Variants in ZSCAN20 observed in about 807,000 individuals in gnomAD.
The protein encoded by ZSCAN20 is zinc finger and SCAN domain containing 20.
In ZSCAN20, 39 loss-of-function variants were observed where a neutral mutation model predicts 97.1. The observed-to-expected ratio is 0.40, with a 90% CI of 0.31 to 0.52. The LOEUF (loss-of-function observed/expected upper bound fraction) is 0.52, where lower values mean the gene tolerates loss of function less well. ZSCAN20 is among the 20% of genes least tolerant of loss of function. The pLI, the probability that ZSCAN20 is intolerant of heterozygous loss-of-function variation, is 0.49. For synonymous variants in ZSCAN20, 456 were observed against 467.3 expected (o/e 0.98, Z 0.31); for missense variants, 1,115 against 1,290.4 (o/e 0.86, Z 2.08).
At position 33,496,512 on chromosome 1, in the gene ZSCAN20, G is replaced by A. The variant is rs569685228; in HGVS notation, c.*1036G>A. On this transcript the variant is annotated 3_prime_UTR_variant, in exon 8 of 8. Transcript: ENST00000684572. ...GGGTTGAGATTGGGAAAAATATGCG[G>A]CCTAAGTAATTTTTCTTCCAATAAG... The A allele has an allele frequency of 1.5e-4, 23 of 152,232 alleles. No individual in the cohort carries two copies. The highest frequency in any genetic ancestry group is 5.1e-4 in the African/African-American group (21 of 41,538). 9.4% of individuals were successfully genotyped at this position (152,232 alleles called of 1,614,324 possible).
At chr1:33,490,199 G>A (rs980385280) in intron 5 of ZSCAN20, among the ~76,000 whole-genome samples, 1 of 152,154 alleles carries the variant, frequency 6.6e-6, no homozygotes, top group Non-Finnish European at 1.5e-5. Flanking sequence ...CCAGAAGCTC[G>A]CTGGCTACTT....
Position 33,498,291 on chromosome 1 carries a change from T to TAAC in ZSCAN20, c.*2816_*2817insACA. On this transcript the variant is annotated 3_prime_UTR_variant, in exon 8 of 8. Transcript: ENST00000684572. Reference sequence around the variant, plus strand: ...CTTTCCCCTGGGTTTGGTAGTGTGTTAGTGTCTCATATCTTTAGTGAACAG... The same window carrying TAAC: ...CTTTCCCCTGGGTTTGGTAGTGTGTTAACAGTGTCTCATATCTTTAGTGAACAG... 6.6e-6 allele frequency among the ~76,000 whole-genome samples: 1 copy of TAAC among 152,206 alleles called. No homozygotes were observed. The highest frequency in any genetic ancestry group is 6.5e-5 in the Admixed American group (1 of 15,288).
At position 33,495,059 on chromosome 1, in the gene ZSCAN20, T is replaced by G. The variant is rs749842996; in HGVS notation, c.2715T>G (p.Cys905Trp). The G allele has an allele frequency of 3.1e-6, 5 of 1,612,260 alleles. No individual in the cohort carries two copies. The East Asian group carries it at 1.1e-4, about 36-fold the overall frequency. ...ATACGGGAGAGAAACCATATGAATG[T>G]GCCGAATGTGGGAAAAGCTTCAGTA... Reference protein sequence around the residue: ...RIHTGEKPYECAECGKSFSKS... With the variant: ...RIHTGEKPYEWAECGKSFSKS... The change falls in exon 8 of 8, where the codon TGT (cysteine) becomes TGG (tryptophan). Residue 905 changes from cysteine (C) to tryptophan (W), a missense_variant. Cys to Trp is a radical substitution (Grantham distance 215). Around this residue, in one of 3 missense-constraint regions of ZSCAN20, gnomAD observed 554 missense variants for 584.9 expected, o/e 0.95. Transcript: ENST00000684572.
At chr1:33,484,155 A>T (rs940515918) in intron 2 of ZSCAN20, among the ~76,000 whole-genome samples, 5 of 152,194 alleles carry the variant, frequency 3.3e-5, no homozygotes, top group Non-Finnish European at 7.3e-5. Flanking sequence ...GTGAACAAAG[A>T]GTCTTTTTCT....
chr1:33,474,882 A>G (rs1651862148), intron 1 of ZSCAN20, among the ~76,000 whole-genome samples: 1 of 152,162 alleles, frequency 6.6e-6, no homozygotes, highest in South Asian at 2.1e-4. Context: ...TACCCATTTA[A>G]ACTTGTAGCC....
intron 1 of ZSCAN20, among the ~76,000 whole-genome samples, chr1:33,475,651 T>C (rs2148443350): frequency 6.6e-6 from 1 of 151,990 alleles, no homozygotes; most frequent in Admixed American, 6.6e-5. Flanking sequence ...GCTCTTTCTC[T>C]CTTTCTTTTT....
Position 33,479,446 on chromosome 1 carries a change from G to C in ZSCAN20, c.158G>C (p.Arg53Pro). ...TCTGGCCCAGAGGCCTCCCGCCAGCGCTTCAGGCAATTCCAATACAGGGAT... is the reference window on the plus strand; with the variant it reads ...TCTGGCCCAGAGGCCTCCCGCCAGCCCTTCAGGCAATTCCAATACAGGGAT... The part of the protein sequence containing the change: ...SVSGPEASRQ[R>P]FRQFQYRDAA... Residue 53 changes from arginine to proline, a missense_variant, in exon 2 of 8, where the codon CGC (arginine) becomes CCC (proline). By Grantham distance (103) the Arg-to-Pro change is moderately radical. Coordinates refer to ENST00000684572, the MANE Select transcript of ZSCAN20 (RefSeq NM_001377376.1). The C allele has an allele frequency of 6.2e-7, 1 of 1,614,236 alleles. No individual in the cohort carries two copies. The highest frequency in any genetic ancestry group is 8.5e-7 in the Non-Finnish European group (1 of 1,180,020).
chr1:33,476,204 T>G (rs1174621347), intron 1 of ZSCAN20, among the ~76,000 whole-genome samples: 1 of 152,220 alleles, frequency 6.6e-6, no homozygotes, highest in Non-Finnish European at 1.5e-5. Flanking sequence ...CCGGTCCATT[T>G]TCCCTTGTTC....
chr1:33,479,260 T>A lies in ZSCAN20; in HGVS notation c.-29T>A, dbSNP rs752014447. 9.6e-6 allele frequency: 15 copies of A among 1,567,364 alleles called. 1 individual carries two copies. The Middle Eastern group carries it at 6.8e-4, about 72-fold the overall frequency. On this transcript the variant is annotated 5_prime_UTR_variant, in exon 2 of 8. An upstream open reading frame in the 5' UTR loses its in-frame stop. Coordinates refer to ENST00000684572, the MANE Select transcript of ZSCAN20 (RefSeq NM_001377376.1). ...AGGAAGACATTGGATGAGGTCAGCA[T>A]AGCTGAAGTGAGGTGTCTGGGTTAG...
Position 33,500,267 on chromosome 1 carries a change from G to A in ZSCAN20, c.*4791G>A, listed in dbSNP as rs1653020524. 6.6e-6 allele frequency among the ~76,000 whole-genome samples: 1 copy of A among 152,136 alleles called. No individual in the cohort carries two copies. Among genetic ancestry groups the A allele is most frequent in the Non-Finnish European group, 1.5e-5 (1 of 68,032 alleles). On this transcript the variant is annotated 3_prime_UTR_variant, in exon 8 of 8. Transcript: ENST00000684572. ...TTCCCCCACCCCATGCTGCAGCTGA[G>A]TGGGTGACCTTTCTCCTCACCTCCG...
rs1415072390 is a variant in ZSCAN20 at position 33,495,483 on chromosome 1, G to C, written c.*7G>C. 1 of 1,502,274 alleles carries C rather than the reference G, an allele frequency of 6.7e-7. No individual in the cohort carries two copies. Among genetic ancestry groups the C allele is most frequent in the Admixed American group, 2.2e-5 (1 of 44,952 alleles). 93.1% of individuals were successfully genotyped at this position (1,502,274 alleles called of 1,614,324 possible). ...AGGAGGGAAGGCGTCGTAGGGGACAGTTTCCTCAACAACAAAGGAGGACTC... is the reference window on the plus strand; with the variant it reads ...AGGAGGGAAGGCGTCGTAGGGGACACTTTCCTCAACAACAAAGGAGGACTC... On this transcript the variant is annotated 3_prime_UTR_variant, in exon 8 of 8. Transcript: ENST00000684572.
chr1:33,480,145 G>C (rs912729023), intron 2 of ZSCAN20, among the ~76,000 whole-genome samples: 8 of 152,204 alleles, frequency 5.3e-5, no homozygotes, highest in African/African-American at 1.7e-4. Flanking sequence ...TGATGTCTCT[G>C]AGTGCTTATA....
At chr1:33,489,458 T>G (rs1652508597) in intron 4 of ZSCAN20, 60 bp from the exon 5 acceptor site, 3 of 1,546,324 alleles carry the variant, frequency 1.9e-6, no homozygotes, top group Non-Finnish European at 2.7e-6. Context: ...CCTGCTAGGG[T>G]TCCTAGGCTG....
chr1:33,479,814 G>T, intron 2 of ZSCAN20, 109 bp downstream of exon 2: 3 of 1,190,346 alleles, frequency 2.5e-6, no homozygotes, highest in Non-Finnish European at 3.4e-6. Flanking sequence ...TAGTTATTGA[G>T]AACTGACACT....
At chr1:33,482,238 C>T (rs11800382) in intron 2 of ZSCAN20, among the ~76,000 whole-genome samples, 117,919 of 152,066 alleles carry the variant, frequency 0.78, 46,061 homozygotes, top group African/African-American at 0.84. Context: ...ATTCTTCCTT[C>T]CCCCCAACCC....
Position 33,494,215 on chromosome 1 carries a change from C to T in ZSCAN20, c.1874-3C>T. 1 of 1,546,718 alleles carries T rather than the reference C, an allele frequency of 6.5e-7. No homozygotes were observed. The highest frequency in any genetic ancestry group is 1.2e-5 in the South Asian group (1 of 80,072). ...AAAACTGCATTTCTGTCCATTTTTT[C>T]AGGTTTTGAAATGAGGCATGAGGAT... On this transcript the variant is annotated splice_region_variant and splice_polypyrimidine_tract_variant and intron_variant, in intron 7 of 7. Transcript: ENST00000684572.
intron 2 of ZSCAN20, among the ~76,000 whole-genome samples, chr1:33,481,023 A>T (rs765532203): frequency 5.9e-5 from 9 of 152,194 alleles, no homozygotes; most frequent in Non-Finnish European, 1.2e-4. Context: ...GTACATTTAA[A>T]CTGTAAAGTT....
rs1262685609 is a variant in ZSCAN20, at chr1:33,489,557, T to G, written c.721T>G (p.Cys241Gly). Residue 241 changes from cysteine (C) to glycine (G), a missense_variant, in exon 5 of 8, where the codon TGT becomes GGT. Cys to Gly is a radical substitution (Grantham distance 159). This residue lies in a region of ZSCAN20 where 508 missense variants were observed against 611.2 expected (regional missense o/e 0.83). Coordinates refer to ENST00000684572, the MANE Select transcript of ZSCAN20 (RefSeq NM_001377376.1). ...TGGCAAACATGCTGAGAAGGAGCTC[T>G]GTAAAGACCCCCCAGGAGACGACTG... The part of the protein sequence containing the change: ...GPGKHAEKEL[C>G]KDPPGDDCGN... 6 of 1,614,164 alleles carry G rather than the reference T, an allele frequency of 3.7e-6. No homozygotes were observed. Among genetic ancestry groups the G allele is most frequent in the Non-Finnish European group, 5.1e-6 (6 of 1,180,024 alleles).
At position 33,495,579 on chromosome 1, in the gene ZSCAN20, C is replaced by T; in HGVS notation, c.*103C>T. ...TCCAATTTTTAAGCTTGGTGTGTACCCAGGGAAGTTATCTTGGTATAAACC... is the reference window on the plus strand; with the variant it reads ...TCCAATTTTTAAGCTTGGTGTGTACTCAGGGAAGTTATCTTGGTATAAACC... On this transcript the variant is annotated 3_prime_UTR_variant, in exon 8 of 8. Transcript: ENST00000684572. 1 of 1,115,010 alleles carries T rather than the reference C, an allele frequency of 9.0e-7. No individual in the cohort carries two copies. The highest frequency in any genetic ancestry group is 1.2e-6 in the Non-Finnish European group (1 of 846,046). 69.1% of individuals were successfully genotyped at this position (1,115,010 alleles called of 1,614,324 possible).
Sources: gnomAD v4.1 joint callset for allele counts (sites outside exome capture counted in the v4.1 genomes callset) on GRCh38, gnomAD v4.1.1 for gene constraint, gnomAD v4.1.1 regional missense constraint, MANE v1.5 for transcripts, NCBI Gene and HGNC (gene_info 2026-07-23, HGNC 2026-07-21) for gene names.